Variants in ITSN1 observed in about 807,000 individuals in gnomAD.
ITSN1 encodes the protein intersectin-1.
Under a neutral mutation model 239.8 loss-of-function variants are expected in ITSN1, and 58 were observed. That is an observed-to-expected ratio of 0.24 (90% confidence interval 0.20 to 0.30). The LOEUF (loss-of-function observed/expected upper bound fraction) is 0.30, where lower values mean the gene tolerates loss of function less well. Ranked by LOEUF, ITSN1 falls within the 10% of genes least tolerant of loss-of-function variation. The pLI is 1.00. For missense variants in ITSN1, 1,558 were observed against 2,103.3 expected (o/e 0.74, Z 5.07); for synonymous variants, 780 against 770.8 (o/e 1.01, Z -0.20).
intron 1 of ITSN1, among the ~76,000 whole-genome samples, chr21:33,676,108 C>A (rs1229391856): frequency 6.6e-6 from 1 of 150,764 alleles, no homozygotes; most frequent in Non-Finnish European, 1.5e-5. Flanking sequence ...GATCTCGGCT[C>A]ACTGCAACCT....
At chr21:33,684,014 C>T (rs561332885) in intron 1 of ITSN1, among the ~76,000 whole-genome samples, 24 of 152,280 alleles carry the variant, frequency 1.6e-4, no homozygotes, top group South Asian at 1.5e-3. Flanking sequence ...ATGAAGCCAC[C>T]GTGTAACATC....
intron 16 of ITSN1, among the ~76,000 whole-genome samples, chr21:33,786,025 G>T (rs1323127818): frequency 2.0e-5 from 3 of 152,170 alleles, no homozygotes; most frequent in Admixed American, 2.0e-4. Flanking sequence ...GAGGAGAAAC[G>T]ATAGCACCCT....
chr21:33,680,833 G>A (rs980532724), intron 1 of ITSN1, among the ~76,000 whole-genome samples: 1 of 152,178 alleles, frequency 6.6e-6, no homozygotes, highest in Non-Finnish European at 1.5e-5. Flanking sequence ...CACAGCCAGG[G>A]TGGAGATTAC....
chr21:33,851,772 TC>T (rs1978337559), intron 29 of ITSN1, among the ~76,000 whole-genome samples: 1 of 135,660 alleles, frequency 7.4e-6, no homozygotes, highest in Non-Finnish European at 1.5e-5. Context: ...TCTTTTCTTT[TC>T]TTTCCTTTTT....
At chr21:33,817,201 GA>G in intron 22 of ITSN1, 1 of 1,280,500 alleles carries the variant, frequency 7.8e-7, no homozygotes, top group East Asian at 5.7e-5. Flanking sequence ...TAGCTTAAAA[GA>G]TAATAAATGC....
intron 4 of ITSN1, among the ~76,000 whole-genome samples, chr21:33,728,806 A>G (rs575791756): frequency 6.6e-6 from 1 of 152,322 alleles, no homozygotes; most frequent in East Asian, 1.9e-4. Context: ...GCACTAAAAT[A>G]TAAGCTCTGT....
chr21:33,690,550 A>G (rs1313340476), intron 1 of ITSN1, among the ~76,000 whole-genome samples: 1 of 150,532 alleles, frequency 6.6e-6, no homozygotes, highest in East Asian at 2.0e-4. Flanking sequence ...CAGTGAGCCA[A>G]GATCGCACCA....
chr21:33,710,429 C>A (rs763095165), intron 1 of ITSN1, among the ~76,000 whole-genome samples: 1 of 152,044 alleles, frequency 6.6e-6, no homozygotes, highest in African/African-American at 2.4e-5. Context: ...AAAAAAATAT[C>A]TGTTCACATG....
intron 5 of ITSN1, among the ~76,000 whole-genome samples, chr21:33,740,666 G>T (rs1569069127): frequency 1.3e-5 from 2 of 152,282 alleles, no homozygotes; most frequent in East Asian, 3.9e-4. Context: ...AGAGGTGATG[G>T]CAGCCAGAAT....
chr21:33,848,599 T>C (rs2075056916), intron 29 of ITSN1, among the ~76,000 whole-genome samples: 1 of 152,156 alleles, frequency 6.6e-6, no homozygotes, highest in Non-Finnish European at 1.5e-5. Flanking sequence ...GTCTGTTCAG[T>C]GGGGGATAAC....
At chr21:33,705,838 TCTC>T in intron 1 of ITSN1, among the ~76,000 whole-genome samples, 1 of 152,326 alleles carries the variant, frequency 6.6e-6, no homozygotes, top group East Asian at 1.9e-4. Context: ...GAAGTTCATT[TCTC>T]CTATCATTCT....
chr21:33,775,228 A>G, intron 14 of ITSN1, 120 bp downstream of exon 14: 1 of 1,036,428 alleles, frequency 9.6e-7, no homozygotes, highest in Non-Finnish European at 1.4e-6. Flanking sequence ...GGCACTGGGA[A>G]GCAAAAATGA....
At chr21:33,764,142 G>T (rs935297340) in intron 9 of ITSN1, among the ~76,000 whole-genome samples, 1 of 152,090 alleles carries the variant, frequency 6.6e-6, no homozygotes, top group Non-Finnish European at 1.5e-5. Context: ...TTATTAGGTT[G>T]TTCTCATGAT....
Position 33,893,851 on chromosome 21 carries a change from GA to G in ITSN1, c.*5562del, listed in dbSNP as rs3057470. The G allele has an allele frequency of 0.086, 12,838 of 149,708 alleles. 810 individuals are homozygous for G. The highest frequency in any genetic ancestry group is 0.28 in the East Asian group (1,415 of 5,116). 9.3% of individuals were successfully genotyped at this position (149,708 alleles called of 1,614,324 possible). A position where few individuals can be genotyped will look rare whatever the true frequency, so the allele number is the denominator to read the frequency against. ...CATAACCTTATATCTGTAGGAGCCA[GA>G]AAAAAAAAAATCTATTCCTGATAGG... On this transcript the variant is annotated 3_prime_UTR_variant, in exon 40 of 40. Transcript: ENST00000381318.
At chr21:33,683,971 A>G (rs2091106431) in intron 1 of ITSN1, among the ~76,000 whole-genome samples, 1 of 152,210 alleles carries the variant, frequency 6.6e-6, no homozygotes, top group Admixed American at 6.5e-5. Flanking sequence ...AAGCTACCAG[A>G]TAAAGAGAGG....
At chr21:33,807,510 G>C (rs1025418161) in intron 20 of ITSN1, among the ~76,000 whole-genome samples, 3 of 152,134 alleles carry the variant, frequency 2.0e-5, no homozygotes, top group African/African-American at 7.2e-5. Context: ...GCTAATTTTT[G>C]TATTTTTTGT....
intron 34 of ITSN1, among the ~76,000 whole-genome samples, chr21:33,878,038 G>GTGTGTGTGTGTGTGTGTGTGTGTT (rs1984283987): frequency 6.7e-6 from 1 of 149,136 alleles, no homozygotes; most frequent in Non-Finnish European, 1.5e-5. Context: ...GTGTGTGTGT[G>GTGTGTGTGTGTGTGTGTGTGTGTT]TGTGTGTGTT....
At chr21:33,808,766 G>A (rs2072669354) in intron 20 of ITSN1, among the ~76,000 whole-genome samples, 1 of 152,134 alleles carries the variant, frequency 6.6e-6, no homozygotes, top group African/African-American at 2.4e-5. Context: ...TGTAGAACTA[G>A]CTCCTAAATT....
At chr21:33,877,074 A>G (rs4817598) in intron 34 of ITSN1, among the ~76,000 whole-genome samples, 125,376 of 125,560 alleles carry the variant, frequency 1, 62,596 homozygotes, top group Middle Eastern at 1. Flanking sequence ...TTTTTTTTGA[A>G]ATGGAGTCTC....
Sources: allele counts gnomAD v4.1 joint callset (sites outside exome capture counted in the v4.1 genomes callset), GRCh38; gene constraint gnomAD v4.1.1; transcripts MANE v1.5; gene names NCBI Gene and HGNC (gene_info 2026-07-23, HGNC 2026-07-21).